CEPT1: variants seen among roughly 807,000 people sequenced by gnomAD.
The protein encoded by CEPT1 is choline/ethanolamine phosphotransferase 1, also known as choline/ethanolaminephosphotransferase 1.
In CEPT1, 7 loss-of-function variants were observed where a neutral mutation model predicts 42.6. That is an observed-to-expected ratio of 0.16 (90% CI 0.09 to 0.31). CEPT1 has a LOEUF of 0.31. Ranked by LOEUF, CEPT1 falls within the 10% of genes least tolerant of loss-of-function variation. The probability of loss-of-function intolerance (pLI) is 1.00; values close to 1 mark genes in which losing one functional copy is unlikely to be tolerated. For synonymous variants in CEPT1, 171 were observed against 171.9 expected (o/e 0.99, Z 0.04); for missense variants, 306 against 502.1 (o/e 0.61, Z 3.73).
chr1:111,148,964 A>C (rs1273166306), intron 2 of CEPT1, among the ~76,000 whole-genome samples: 1 of 152,148 alleles, frequency 6.6e-6, no homozygotes, highest in Non-Finnish European at 1.5e-5. Flanking sequence ...TGGCCACAAC[A>C]TTCCTTACCT....
At chr1:111,170,166 G>A (rs1656348960) in intron 4 of CEPT1, among the ~76,000 whole-genome samples, 1 of 152,140 alleles carries the variant, frequency 6.6e-6, no homozygotes, top group Admixed American at 6.5e-5. Context: ...GAGATTGTGA[G>A]AGGATTCTCC....
At chr1:111,176,111 G>A (rs1656663847) in intron 5 of CEPT1, among the ~76,000 whole-genome samples, 1 of 152,182 alleles carries the variant, frequency 6.6e-6, no homozygotes, top group Non-Finnish European at 1.5e-5. Context: ...AGATGAATCT[G>A]TGAAGGGGGA....
In CEPT1 at chr1:111,159,362, T is replaced by A; in HGVS notation, c.340-18T>A. The A allele has an allele frequency of 6.3e-7, 1 of 1,598,374 alleles. No homozygotes were observed. On this transcript the variant is annotated intron_variant, in intron 2 of 8. Transcript: ENST00000357172. Reference sequence around the variant, plus strand: ...CTGTGTGTCTGAATACTCTTGCCTTTCTTATTTTATTTCACAGGCACCTCT... The same window carrying A: ...CTGTGTGTCTGAATACTCTTGCCTTACTTATTTTATTTCACAGGCACCTCT...
intron 5 of CEPT1, chr1:111,181,867 T>C (rs553181895): frequency 1.1e-5 from 2 of 177,268 alleles, no homozygotes; most frequent in African/African-American, 2.4e-5. Context: ...CCAGAACACA[T>C]CCTGGTTCAC....
At chr1:111,158,231 A>G (rs1161711619) in intron 2 of CEPT1, among the ~76,000 whole-genome samples, 1 of 152,174 alleles carries the variant, frequency 6.6e-6, no homozygotes. Context: ...GCACATGCCT[A>G]TAATCCAGCT....
chr1:111,146,438 G>A (rs530120010), intron 1 of CEPT1, among the ~76,000 whole-genome samples: 2 of 152,126 alleles, frequency 1.3e-5, no homozygotes, highest in South Asian at 4.2e-4. Flanking sequence ...GTAATCTCTA[G>A]CTGTTGACTC....
At chr1:111,157,233 A>T (rs917628335) in intron 2 of CEPT1, among the ~76,000 whole-genome samples, 28 of 152,228 alleles carry the variant, frequency 1.8e-4, no homozygotes, top group African/African-American at 6.3e-4. Context: ...ATTTCCTAGG[A>T]TTGTGTATAT....
intron 4 of CEPT1, among the ~76,000 whole-genome samples, chr1:111,165,897 T>A (rs1183609981): frequency 6.6e-6 from 1 of 152,222 alleles, no homozygotes; most frequent in Non-Finnish European, 1.5e-5. Flanking sequence ...TCCAGGTGAT[T>A]TTTAAAGAAT....
chr1:111,152,534 C>T lies in CEPT1; in HGVS notation c.339+4481C>T, dbSNP rs543933207. Among the ~76,000 whole-genome samples the T allele has an allele frequency of 2.0e-3, 297 of 152,232 alleles. 1 individual carries two copies. Among genetic ancestry groups the T allele is most frequent in the African/African-American group, 6.9e-3 (287 of 41,548 alleles). ...AAAGCAACATGTGGAACACACAGTA[C>T]ACCATTTAGAAATTGTTTAAAGTAT... On this transcript the variant is annotated intron_variant, in intron 2 of 8. Transcript: ENST00000357172.
At chr1:111,157,040 C>G (rs1000825995) in intron 2 of CEPT1, among the ~76,000 whole-genome samples, 1 of 152,102 alleles carries the variant, frequency 6.6e-6, no homozygotes, top group East Asian at 1.9e-4. Flanking sequence ...CAGGGTCTTA[C>G]GGCAACTGGG....
intron 3 of CEPT1, 184 bp from the exon 4 acceptor site, chr1:111,160,969 AAG>A (rs1282180505): frequency 1.8e-5 from 11 of 615,548 alleles, no homozygotes; most frequent in Admixed American, 3.4e-5. Context: ...AAAAAAAAAA[AAG>A]AGAGATTGAA....
At chr1:111,168,511 C>T (rs1394583440) in intron 4 of CEPT1, among the ~76,000 whole-genome samples, 7 of 147,408 alleles carry the variant, frequency 4.7e-5, no homozygotes, top group East Asian at 2.0e-4. Context: ...TTTTTTGAGG[C>T]GGAGTCTCAC....
At chr1:111,174,565 CT>C (rs1656581800) in intron 4 of CEPT1, among the ~76,000 whole-genome samples, 1 of 148,432 alleles carries the variant, frequency 6.7e-6, no homozygotes, top group Non-Finnish European at 1.5e-5. Context: ...AATTTAATAC[CT>C]CCTCAATTTT....
At chr1:111,182,498 A>G (rs1028911365) in intron 6 of CEPT1, 180 bp downstream of exon 6, 24 of 652,856 alleles carry the variant, frequency 3.7e-5, no homozygotes, top group Non-Finnish European at 5.8e-5. Flanking sequence ...TATATGCTTT[A>G]TATATTCATA....
chr1:111,155,138 A>G (rs1319450773), intron 2 of CEPT1, among the ~76,000 whole-genome samples: 1 of 152,124 alleles, frequency 6.6e-6, no homozygotes, highest in Non-Finnish European at 1.5e-5. Flanking sequence ...AAACTTTTTA[A>G]TATTTATTCA....
At position 111,164,815 on chromosome 1, in the gene CEPT1, G is replaced by A. The variant is rs559167554; in HGVS notation, c.629+3519G>A. On this transcript the variant is annotated intron_variant, in intron 4 of 8. Coordinates refer to ENST00000357172, the MANE Select transcript of CEPT1 (RefSeq NM_006090.5). ...GTTTTTTGCATTTTTAGTAGAGATG[G>A]GGTTTCACCGTGTTAGCCAGGATGG... Among the ~76,000 whole-genome samples the A allele has an allele frequency of 5.3e-5, 8 of 151,904 alleles. No homozygotes were observed. In the South Asian group the frequency reaches 8.4e-4, roughly 16 times the overall value.
intron 1 of CEPT1, among the ~76,000 whole-genome samples, chr1:111,141,822 TC>T (rs1234080893): frequency 6.6e-6 from 1 of 152,204 alleles, no homozygotes; most frequent in Non-Finnish European, 1.5e-5. Flanking sequence ...TTCTTTTTTT[TC>T]TTCCTTTCTT....
chr1:111,143,144 C>T (rs1453611103), intron 1 of CEPT1, among the ~76,000 whole-genome samples: 1 of 152,238 alleles, frequency 6.6e-6, no homozygotes, highest in South Asian at 2.1e-4. Context: ...GACAACTCTG[C>T]GTTAATTCTC....
At chr1:111,178,137 T>G (rs1460814621) in intron 5 of CEPT1, 1 of 152,182 alleles carries the variant, frequency 6.6e-6, no homozygotes, top group East Asian at 1.9e-4. Flanking sequence ...CATTTTTGTG[T>G]GCCAAATGGA....
Sources: allele counts gnomAD v4.1 joint callset (sites outside exome capture counted in the v4.1 genomes callset), GRCh38; gene constraint gnomAD v4.1.1; transcripts MANE v1.5; gene names NCBI Gene and HGNC (gene_info 2026-07-23, HGNC 2026-07-21).